The following MAST4 variants were observed in gnomAD, a reference collection of about 807,000 sequenced individuals.
MAST4 encodes the protein microtubule-associated serine/threonine-protein kinase 4.
Under a neutral mutation model 162.7 loss-of-function variants are expected in MAST4, and 89 were observed. The ratio of observed to expected loss-of-function variants is 0.55; its 90% CI spans 0.46 to 0.65. MAST4 has a LOEUF of 0.65. Among genes scored for constraint, MAST4 ranks in the 30% least tolerant of loss-of-function variants. The pLI, the probability that MAST4 is intolerant of heterozygous loss-of-function variation, is 0.00. For missense variants in MAST4, 3,153 were observed against 3,374.0 expected (o/e 0.93, Z 1.62); for synonymous variants, 1,479 against 1,361.1 (o/e 1.09, Z -1.91).
chr5:66,983,560 A>T lies in MAST4; in HGVS notation c.675-70844A>T, dbSNP rs541589513. On this transcript the variant is annotated intron_variant, in intron 4 of 28. Coordinates refer to ENST00000403625, the MANE Select transcript of MAST4 (RefSeq NM_001164664.2). ...TCTAAGTGCCAGTTTCCTCATCTGT[A>T]TATTGGGGAAGTTCACATTAATCTT... Among the ~76,000 whole-genome samples the T allele has an allele frequency of 2.0e-5, 3 of 152,182 alleles. No homozygotes were observed. The East Asian group carries it at 5.8e-4, about 29-fold the overall frequency.
chr5:67,153,512 A>G lies in MAST4; in HGVS notation c.3580A>G (p.Ile1194Val), dbSNP rs1772099556. ...CQAGLKAGDL[I>V]THINGEPVHG... ...GGCAGGACTGAAGGCTGGAGATCTT[A>G]TCACTCACATCAATGGAGAACCAGT... The change falls in exon 26 of 29, where the codon ATC becomes GTC. Residue 1194 changes from isoleucine (I) to valine (V), a missense_variant. By Grantham distance (29) the Ile-to-Val change is conservative (BLOSUM62 3). Transcript: ENST00000403625. 1 of 1,602,512 alleles carries G rather than the reference A, an allele frequency of 6.2e-7. No individual in the cohort carries two copies. The highest frequency in any genetic ancestry group is 8.5e-7 in the Non-Finnish European group (1 of 1,174,114).
At chr5:67,138,558 C>T (rs1237542721) in intron 19 of MAST4, among the ~76,000 whole-genome samples, 4 of 151,894 alleles carry the variant, frequency 2.6e-5, no homozygotes, top group Admixed American at 6.6e-5. Flanking sequence ...CTCAGCCTCC[C>T]GAGTAGCTGG....
intron 3 of MAST4, among the ~76,000 whole-genome samples, chr5:66,807,133 AAG>A (rs1412196454): frequency 6.6e-6 from 1 of 152,236 alleles, no homozygotes; most frequent in African/African-American, 2.4e-5. Flanking sequence ...ATCATGGAGA[AAG>A]AGTATCCATC....
At chr5:66,772,379 T>C (rs1314818495) in intron 2 of MAST4, among the ~76,000 whole-genome samples, 3 of 152,292 alleles carry the variant, frequency 2.0e-5, no homozygotes, top group Middle Eastern at 3.4e-3. Context: ...ATAGGAAACA[T>C]GGGGAAAGGC....
At chr5:66,597,337 C>A (rs577377871) in intron 1 of MAST4, among the ~76,000 whole-genome samples, 1 of 152,328 alleles carries the variant, frequency 6.6e-6, no homozygotes, top group South Asian at 2.1e-4. Context: ...GGACATCTGG[C>A]GTGTCCCCAC....
chr5:67,058,462 A>T (rs1759133918), intron 5 of MAST4, among the ~76,000 whole-genome samples: 1 of 152,232 alleles, frequency 6.6e-6, no homozygotes, highest in Non-Finnish European at 1.5e-5. Flanking sequence ...ACAGAAAATT[A>T]TAAGTATAGC....
intron 1 of MAST4, among the ~76,000 whole-genome samples, chr5:66,710,546 T>G (rs1345244530): frequency 6.6e-6 from 1 of 152,130 alleles, no homozygotes; most frequent in African/African-American, 2.4e-5. Flanking sequence ...GCCACTAAAT[T>G]CTTATTCTAC....
At chr5:66,952,848 A>C (rs547510674) in intron 4 of MAST4, among the ~76,000 whole-genome samples, 1 of 152,258 alleles carries the variant, frequency 6.6e-6, no homozygotes, top group East Asian at 1.9e-4. Context: ...GCCCGATCTA[A>C]AGATACTGTC....
Position 66,953,734 on chromosome 5 carries a change from T to C in MAST4, c.674+53752T>C, listed in dbSNP as rs116450091. 8.4e-3 allele frequency among the ~76,000 whole-genome samples: 1,273 copies of C among 152,126 alleles called. 21 individuals carry two copies. Among genetic ancestry groups the C allele is most frequent in the African/African-American group, 0.029 (1,221 of 41,476 alleles). The stretch of plus-strand genomic sequence containing the variant: ...TAAAACTAGTCAGTGATGCCGAGGG[T>C]CCTGCAGAAATTGACCCTTGTCTCT... On this transcript the variant is annotated intron_variant, in intron 4 of 28. Transcript: ENST00000403625.
At chr5:66,670,258 T>C (rs1028331960) in intron 1 of MAST4, among the ~76,000 whole-genome samples, 1 of 152,114 alleles carries the variant, frequency 6.6e-6, no homozygotes, top group Non-Finnish European at 1.5e-5. Flanking sequence ...TTTGGATTAG[T>C]CATAGCTCTT....
intron 3 of MAST4, among the ~76,000 whole-genome samples, chr5:66,818,761 G>A (rs1428498689): frequency 6.6e-6 from 1 of 152,208 alleles, no homozygotes; most frequent in Non-Finnish European, 1.5e-5. Flanking sequence ...GGAAAAAGGG[G>A]AGGTGTTCAG....
intron 1 of MAST4, among the ~76,000 whole-genome samples, chr5:66,632,333 T>A (rs903867852): frequency 2.1e-4 from 32 of 151,804 alleles, no homozygotes; most frequent in East Asian, 7.7e-4. Flanking sequence ...GGCATTTTTT[T>A]AAATGCCAGC....
chr5:67,055,982 A>C (rs777585178), intron 5 of MAST4, among the ~76,000 whole-genome samples: 5 of 146,692 alleles, frequency 3.4e-5, no homozygotes, highest in Non-Finnish European at 7.5e-5. Flanking sequence ...CATGCTACAT[A>C]CAATATTTTG....
At chr5:66,668,249 A>G (rs1228217964) in intron 1 of MAST4, among the ~76,000 whole-genome samples, 1 of 152,218 alleles carries the variant, frequency 6.6e-6, no homozygotes, top group Non-Finnish European at 1.5e-5. Context: ...CTAATTTCTG[A>G]GTGGATTTTA....
chr5:66,950,660 A>G lies in MAST4; in HGVS notation c.674+50678A>G, dbSNP rs190330471. Among the ~76,000 whole-genome samples, 15 of 152,278 alleles carry G rather than the reference A, an allele frequency of 9.9e-5. No individual in the cohort carries two copies. The East Asian group carries it at 2.9e-3, about 29-fold the overall frequency. On this transcript the variant is annotated intron_variant, in intron 4 of 28. Transcript: ENST00000403625. ...TGAATAATATTCTATTGTATGGGTA[A>G]TACCACATTTTGCTCACCTATTCAT...
At chr5:66,626,911 T>C (rs1476787469) in intron 1 of MAST4, among the ~76,000 whole-genome samples, 6 of 152,042 alleles carry the variant, frequency 3.9e-5, no homozygotes, top group Non-Finnish European at 4.4e-5. Context: ...AATGGGATCA[T>C]TGGGATAGTT....
At chr5:66,750,971 C>T (rs909427758) in intron 1 of MAST4, among the ~76,000 whole-genome samples, 21 of 152,330 alleles carry the variant, frequency 1.4e-4, no homozygotes, top group South Asian at 2.1e-4. Context: ...ACTGCCTTCT[C>T]AAGTGGGTCC....
In MAST4 at chr5:66,825,019, C is replaced by T. The variant is rs76049896; in HGVS notation, c.642+36225C>T. ...TACTGTAGACTTTACAAATAATGTA[C>T]ACTTAGGCTACACTGAATTTATAAA... is the stretch of plus-strand genomic sequence containing the variant. On this transcript the variant is annotated intron_variant, in intron 3 of 28. Transcript: ENST00000403625. Among the ~76,000 whole-genome samples the T allele has an allele frequency of 6.4e-3, 979 of 152,216 alleles. 15 individuals are homozygous for T. Among genetic ancestry groups the T allele is most frequent in the African/African-American group, 0.022 (931 of 41,526 alleles).
intron 4 of MAST4, among the ~76,000 whole-genome samples, chr5:66,910,326 G>A (rs906050162): frequency 6.6e-6 from 1 of 152,150 alleles, no homozygotes; most frequent in Non-Finnish European, 1.5e-5. Context: ...ACACTGGTGT[G>A]GTGTAATGGT....
Sources: allele counts gnomAD v4.1 joint callset (sites outside exome capture counted in the v4.1 genomes callset), GRCh38; gene constraint gnomAD v4.1.1; transcripts MANE v1.5; gene names NCBI Gene and HGNC (gene_info 2026-07-23, HGNC 2026-07-21).